Variants in ROBO1 observed in about 807,000 individuals in gnomAD.
The protein encoded by ROBO1 is roundabout homolog 1.
Under a neutral mutation model 195.9 loss-of-function variants are expected in ROBO1, and 149 were observed. That is an observed-to-expected ratio of 0.76 (90% CI 0.67 to 0.87). ROBO1 has a LOEUF of 0.87. Ranked by LOEUF, ROBO1 falls within the 40% of genes least tolerant of loss-of-function variation. The probability of loss-of-function intolerance (pLI) is 0.00; values close to 1 mark genes in which losing one functional copy is unlikely to be tolerated. For missense variants in ROBO1, 1,933 were observed against 2,068.3 expected (o/e 0.93, Z 1.27); for synonymous variants, 816 against 733.2 (o/e 1.11, Z -1.82).
intron 4 of ROBO1, among the ~76,000 whole-genome samples, chr3:78,936,150 T>C (rs1032843828): frequency 2.0e-5 from 3 of 151,994 alleles, no homozygotes; most frequent in South Asian, 2.1e-4. Context: ...TAAGGCACAA[T>C]AGACAAAAAT....
At chr3:79,183,919 C>A (rs1293345208) in intron 2 of ROBO1, among the ~76,000 whole-genome samples, 1 of 152,144 alleles carries the variant, frequency 6.6e-6, no homozygotes, top group Non-Finnish European at 1.5e-5. Context: ...GGGAAGTTGT[C>A]AATAAATACA....
intron 3 of ROBO1, among the ~76,000 whole-genome samples, chr3:79,096,688 G>A (rs1008973972): frequency 5.3e-5 from 8 of 150,092 alleles, no homozygotes; most frequent in South Asian, 2.1e-4. Flanking sequence ...GTGTGTATAC[G>A]TACACACATA....
intron 2 of ROBO1, among the ~76,000 whole-genome samples, chr3:79,521,486 G>A (rs1277073827): frequency 9.9e-5 from 15 of 152,070 alleles, no homozygotes; most frequent in Admixed American, 7.9e-4. Context: ...TTCCGACATC[G>A]ATCTAATTCA....
intron 3 of ROBO1, among the ~76,000 whole-genome samples, chr3:79,038,456 C>A (rs2078421624): frequency 6.6e-6 from 1 of 152,132 alleles, no homozygotes; most frequent in South Asian, 2.1e-4. Flanking sequence ...ACCATCAGCA[C>A]AAATTAGGAA....
chr3:78,823,233 G>T (rs2031205393), intron 4 of ROBO1, among the ~76,000 whole-genome samples: 1 of 147,764 alleles, frequency 6.8e-6, no homozygotes, highest in South Asian at 2.1e-4. Flanking sequence ...CTCTTGGGAT[G>T]CTCTTCATCA....
chr3:79,022,081 G>A (rs1388940563), intron 3 of ROBO1, among the ~76,000 whole-genome samples: 1 of 152,088 alleles, frequency 6.6e-6, no homozygotes, highest in African/African-American at 2.4e-5. Flanking sequence ...TCTTTTTCCT[G>A]TCTCATCCAA....
At chr3:79,122,029 A>AT (rs1385581682) in intron 3 of ROBO1, among the ~76,000 whole-genome samples, 1 of 151,886 alleles carries the variant, frequency 6.6e-6, no homozygotes, top group Non-Finnish European at 1.5e-5. Flanking sequence ...TTATTACTTA[A>AT]TTTTTTTATA....
At chr3:79,338,776 G>A (rs2034790029) in intron 2 of ROBO1, among the ~76,000 whole-genome samples, 1 of 151,680 alleles carries the variant, frequency 6.6e-6, no homozygotes, top group Non-Finnish European at 1.5e-5. Flanking sequence ...CTATTATTGT[G>A]AATTTAAATA....
chr3:79,584,191 G>A (rs1198167073), intron 2 of ROBO1, among the ~76,000 whole-genome samples: 1 of 150,008 alleles, frequency 6.7e-6, no homozygotes, highest in African/African-American at 2.4e-5. Flanking sequence ...ATCTATATGT[G>A]TACATATATC....
chr3:79,683,989 G>A (rs569790398), intron 1 of ROBO1, among the ~76,000 whole-genome samples: 1 of 152,050 alleles, frequency 6.6e-6, no homozygotes, highest in Non-Finnish European at 1.5e-5. Context: ...TAGGTCTTAT[G>A]GTAACTTCAT....
intron 1 of ROBO1, among the ~76,000 whole-genome samples, chr3:79,593,942 T>C (rs1478403961): frequency 6.6e-6 from 1 of 151,996 alleles, no homozygotes; most frequent in Non-Finnish European, 1.5e-5. Flanking sequence ...TTTTATTGTA[T>C]GTTTTGAATA....
chr3:78,968,194 G>A (rs1029983496), intron 3 of ROBO1, among the ~76,000 whole-genome samples: 1 of 151,316 alleles, frequency 6.6e-6, no homozygotes. Flanking sequence ...GACCTTGAAT[G>A]CTAACAAAAC....
intron 1 of ROBO1, among the ~76,000 whole-genome samples, chr3:79,644,469 G>A (rs7432849): frequency 0.55 from 84,205 of 151,974 alleles, 23,522 homozygotes; most frequent in South Asian, 0.67. Context: ...ATGGCAGAAG[G>A]CAAAAAGCAG....
chr3:79,171,769 A>G (rs188402435), intron 2 of ROBO1, among the ~76,000 whole-genome samples: 7 of 152,240 alleles, frequency 4.6e-5, no homozygotes, highest in Admixed American at 4.6e-4. Flanking sequence ...TTATGGATAC[A>G]AAAGTCAGGA....
chr3:78,675,359 C>A (rs1342065561), intron 10 of ROBO1, among the ~76,000 whole-genome samples: 6 of 152,050 alleles, frequency 3.9e-5, no homozygotes, highest in Non-Finnish European at 5.9e-5. Context: ...CGAAGCAGGG[C>A]GAGGCATTGC....
chr3:79,555,680 G>C (rs565687552), intron 2 of ROBO1, among the ~76,000 whole-genome samples: 169 of 152,172 alleles, frequency 1.1e-3, no homozygotes, highest in African/African-American at 3.8e-3. Context: ...TTTCCTGTGA[G>C]GCTTGGTTAC....
intron 3 of ROBO1, among the ~76,000 whole-genome samples, chr3:78,958,519 C>G (rs538866740): frequency 6.6e-6 from 1 of 152,048 alleles, no homozygotes; most frequent in Non-Finnish European, 1.5e-5. Context: ...CATTTTAGGA[C>G]CAAGTTCTGA....
intron 2 of ROBO1, among the ~76,000 whole-genome samples, chr3:79,523,460 TC>T (rs144365236): frequency 8.2e-6 from 1 of 121,712 alleles, no homozygotes; most frequent in Non-Finnish European, 1.8e-5. Context: ...CATTTTTCTT[TC>T]TTTTTTTTTT....
intron 2 of ROBO1, among the ~76,000 whole-genome samples, chr3:79,277,402 G>T (rs993215720): frequency 2.6e-5 from 4 of 152,048 alleles, no homozygotes; most frequent in African/African-American, 9.7e-5. Flanking sequence ...TCACTTATTT[G>T]CCAGAGCTAA....
Sources: allele counts gnomAD v4.1 joint callset (sites outside exome capture counted in the v4.1 genomes callset), GRCh38; gene constraint gnomAD v4.1.1; transcripts MANE v1.5; gene names NCBI Gene and HGNC (gene_info 2026-07-23, HGNC 2026-07-21).